The following SLC48A1 variants were observed in gnomAD, a reference collection of about 807,000 sequenced individuals.
SLC48A1 encodes solute carrier family 48 member 1, also known as heme transporter HRG1.
Under a neutral mutation model 14.8 loss-of-function variants are expected in SLC48A1, and 6 were observed. The observed-to-expected ratio is 0.41, with a 90% CI of 0.22 to 0.80. SLC48A1 has a LOEUF of 0.80. Among genes scored for constraint, SLC48A1 ranks in the 30% least tolerant of loss-of-function variants. The probability of loss-of-function intolerance (pLI) is 0.34; values close to 1 mark genes in which losing one functional copy is unlikely to be tolerated. For missense variants in SLC48A1, 165 were observed against 204.8 expected, an observed-to-expected ratio of 0.81 and a Z score of 1.19; for synonymous variants, 89 against 90.0, an observed-to-expected ratio of 0.99 and a Z score of 0.06.
At chr12:47,759,138 A>G (rs900571720) in intron 1 of SLC48A1, 91 of 981,412 alleles carry the variant, frequency 9.3e-5, no homozygotes, top group Non-Finnish European at 1.1e-4. Context: ...CCGGGGTGTC[A>G]GGGATCCGGC....
At chr12:47,778,956 T>C (rs1023148276) in intron 1 of SLC48A1, 72 bp from the exon 2 acceptor site, 11 of 1,442,734 alleles carry the variant, frequency 7.6e-6, no homozygotes, top group African/African-American at 1.4e-5. Context: ...CTTATGCAAA[T>C]AGGCCTGGTC....
At chr12:47,762,304 A>G (rs369932817) in intron 2 of SLC48A1, among the ~76,000 whole-genome samples, 2 of 152,112 alleles carry the variant, frequency 1.3e-5, no homozygotes, top group East Asian at 3.9e-4. Context: ...GCTGAGCTCT[A>G]CACAAGGTGA....
Position 47,780,143 on chromosome 12 carries a change from A to G in SLC48A1, c.305-2A>G. 6.3e-7 allele frequency: 1 copy of G among 1,583,794 alleles called. No individual in the cohort carries two copies. Among genetic ancestry groups the G allele is most frequent in the East Asian group, 2.3e-5 (1 of 44,418 alleles). ...TCACTGTCGGTACTTCTCTCCCTGC[A>G]GGCCTCACAGACCCCACCAGCTACT... On this transcript the variant is annotated splice_acceptor_variant, in intron 2 of 2. Coordinates refer to ENST00000442218, the MANE Select transcript of SLC48A1 (RefSeq NM_017842.3). LOFTEE classifies it high-confidence loss of function.
intron 1 of SLC48A1, chr12:47,758,769 G>C: frequency 8.1e-7 from 1 of 1,241,810 alleles, no homozygotes. Context: ...AGAGGGGTGG[G>C]GGCGTGGTGG....
At chr12:47,759,210 G>T in intron 1 of SLC48A1, 1 of 651,544 alleles carries the variant, frequency 1.5e-6, no homozygotes, top group Non-Finnish European at 1.9e-6. Context: ...GGAAACCGGG[G>T]AGAGCGGGGA....
chr12:47,762,114 A>T (rs1942393914), intron 2 of SLC48A1, among the ~76,000 whole-genome samples: 1 of 152,188 alleles, frequency 6.6e-6, no homozygotes, highest in Non-Finnish European at 1.5e-5. Flanking sequence ...AGGACCCCTT[A>T]ATACACTCTA....
chr12:47,773,036 TG>T, upstream of SLC48A1: 2 of 283,974 alleles, frequency 7.0e-6, no homozygotes, highest in Non-Finnish European at 1.1e-5. Context: ...ACGGCGGGTC[TG>T]GGGATGGGCC....
At chr12:47,760,085 C>A in intron 1 of SLC48A1, 2 of 424,716 alleles carry the variant, frequency 4.7e-6, no homozygotes, top group Non-Finnish European at 3.1e-6. Flanking sequence ...ATTAAAATCC[C>A]ATTTTTAATG....
intron 1 of SLC48A1, among the ~76,000 whole-genome samples, chr12:47,759,560 C>T (rs1212192406): frequency 6.9e-6 from 1 of 144,800 alleles, no homozygotes; most frequent in African/African-American, 2.6e-5. Context: ...GTACCACGCC[C>T]CCTACCGCGC....
At chr12:47,759,756 G>T (rs1182774643) in intron 1 of SLC48A1, among the ~76,000 whole-genome samples, 2 of 152,208 alleles carry the variant, frequency 1.3e-5, no homozygotes, top group African/African-American at 2.4e-5. Flanking sequence ...ACAGCGACCC[G>T]TAATTCAGGA....
intron 2 of SLC48A1, among the ~76,000 whole-genome samples, chr12:47,779,685 C>G (rs762797722): frequency 9.9e-5 from 15 of 152,184 alleles, no homozygotes; most frequent in Non-Finnish European, 2.1e-4. Context: ...GTCCCCAGCT[C>G]CGTTCTACTG....
upstream of SLC48A1, chr12:47,771,153 A>C (rs964518097): frequency 3.3e-6 from 1 of 300,122 alleles, no homozygotes; most frequent in Non-Finnish European, 6.7e-6. Context: ...ATTTTTAAAG[A>C]AGCTCCCAGA....
chr12:47,768,166 T>A (rs1241423731), upstream of SLC48A1, among the ~76,000 whole-genome samples: 1 of 152,078 alleles, frequency 6.6e-6, no homozygotes, highest in Non-Finnish European at 1.5e-5. Context: ...TTAGTAGAGA[T>A]GGGTTTTGCC....
chr12:47,757,971 C>G (rs1454926920), upstream of SLC48A1: 2 of 1,564,486 alleles, frequency 1.3e-6, no homozygotes, highest in African/African-American at 1.4e-5. Flanking sequence ...TGAGTAGTGT[C>G]CCCTCCGGCA....
At chr12:47,760,651 C>T (rs941309441) in intron 2 of SLC48A1, among the ~76,000 whole-genome samples, 2 of 152,178 alleles carry the variant, frequency 1.3e-5, no homozygotes, top group African/African-American at 4.8e-5. Context: ...CTTTCAAGTG[C>T]TTTCCATGTG....
upstream of SLC48A1, among the ~76,000 whole-genome samples, chr12:47,770,240 C>T (rs982725723): frequency 2.0e-5 from 3 of 152,242 alleles, no homozygotes; most frequent in East Asian, 1.9e-4. Context: ...TCTTTTCTTG[C>T]GCAATCTCAC....
At chr12:47,757,789 G>T, upstream of SLC48A1, 1 of 1,369,220 alleles carries the variant, frequency 7.3e-7, no homozygotes, top group Non-Finnish European at 9.9e-7. Context: ...GCCACCAGCA[G>T]CATGCCAAGC....
At chr12:47,755,862 G>C (rs1359736480), upstream of SLC48A1, 2 of 152,188 alleles carry the variant, frequency 1.3e-5, no homozygotes, top group Non-Finnish European at 2.9e-5. Flanking sequence ...CTCACAGCTG[G>C]CACTCATTCC....
intron 2 of SLC48A1, among the ~76,000 whole-genome samples, chr12:47,763,609 C>T (rs1052931717): frequency 6.6e-6 from 1 of 152,200 alleles, no homozygotes; most frequent in Non-Finnish European, 1.5e-5. Context: ...AGTTCCAGTT[C>T]AGCTCCTCCA....
Sources: gnomAD v4.1 joint callset for allele counts (sites outside exome capture counted in the v4.1 genomes callset) on GRCh38, gnomAD v4.1.1 for gene constraint, MANE v1.5 for transcripts, NCBI Gene and HGNC (gene_info 2026-07-23, HGNC 2026-07-21) for gene names.